Variants in TANC1 observed in about 807,000 individuals in gnomAD.
TANC1 encodes tetratricopeptide repeat, ankyrin repeat and coiled-coil containing 1, also known as protein TANC1.
TANC1 carries 77 observed loss-of-function variants against 149.7 expected under a neutral mutation model. The ratio of observed to expected loss-of-function variants is 0.51; its 90% CI spans 0.43 to 0.62. TANC1 has a LOEUF of 0.62. TANC1 is among the 20% of genes least tolerant of loss of function. The probability of loss-of-function intolerance (pLI) is 0.00; values close to 1 mark genes in which losing one functional copy is unlikely to be tolerated. For missense variants in TANC1, 1,985 were observed against 2,321.8 expected, an observed-to-expected ratio of 0.85 and a Z score of 2.98; for synonymous variants, 854 against 925.0, an observed-to-expected ratio of 0.92 and a Z score of 1.39.
intron 1 of TANC1, among the ~76,000 whole-genome samples, chr2:158,989,918 ATT>A (rs56934916): frequency 7.0e-5 from 10 of 142,622 alleles, no homozygotes; most frequent in Admixed American, 7.0e-5. Flanking sequence ...TAAAATGGGG[ATT>A]TTTTTTTTTT....
chr2:159,140,081 G>T (rs1362140543), intron 5 of TANC1, among the ~76,000 whole-genome samples: 1 of 152,026 alleles, frequency 6.6e-6, no homozygotes, highest in African/African-American at 2.4e-5. Context: ...AAATTAGCCA[G>T]ATATAGCAGT....
intron 7 of TANC1, among the ~76,000 whole-genome samples, chr2:159,156,700 A>G (rs1026217552): frequency 1.3e-5 from 2 of 152,206 alleles, no homozygotes; most frequent in African/African-American, 2.4e-5. Flanking sequence ...ACTCTTTTCC[A>G]AAGTCTGGAA....
chr2:159,082,371 TA>T (rs5835731), intron 3 of TANC1, among the ~76,000 whole-genome samples: 100,116 of 148,162 alleles, frequency 0.68, 33,640 homozygotes, highest in Non-Finnish European at 0.72. Context: ...TTAAACTTGT[TA>T]AAAAAAAAAA....
chr2:159,060,077 T>G (rs1182869269), intron 2 of TANC1: 3 of 965,700 alleles, frequency 3.1e-6, no homozygotes, highest in African/African-American at 3.5e-5. Context: ...AGAACAGTTC[T>G]AAAGGTGTTA....
rs148750824 is a variant in TANC1 at position 159,133,630 on chromosome 2, C to T, written c.260-2564C>T. On this transcript the variant is annotated intron_variant, in intron 4 of 26. Coordinates refer to ENST00000263635, the MANE Select transcript of TANC1 (RefSeq NM_033394.3). ...AAACCCCCACAAGTCTTTTTCCCTA[C>T]GCATATTTATGTGTGGATATATATA... Among the ~76,000 whole-genome samples, 217 of 148,462 alleles carry T rather than the reference C, an allele frequency of 1.5e-3. 1 individual carries two copies. Among genetic ancestry groups the T allele is most frequent in the African/African-American group, 5.2e-3 (210 of 40,734 alleles).
chr2:159,076,354 A>G (rs1219725797), intron 3 of TANC1, among the ~76,000 whole-genome samples: 2 of 152,214 alleles, frequency 1.3e-5, no homozygotes, highest in Admixed American at 6.5e-5. Context: ...CTAGAGATCC[A>G]CTAGTCTGAT....
Position 159,212,222 on chromosome 2 carries a change from G to A in TANC1, c.3245-5275G>A, listed in dbSNP as rs562945872. Among the ~76,000 whole-genome samples, 8 of 152,314 alleles carry A rather than the reference G, an allele frequency of 5.3e-5. No homozygotes were observed. In the East Asian group the frequency reaches 1.5e-3, roughly 29 times the overall value. ...AGTCCTGTGTTTATTCCTTTGCATG[G>A]CATCATGCAAAGGCCCTGCCTCTGC... On this transcript the variant is annotated intron_variant, in intron 19 of 26. Coordinates refer to ENST00000263635, the MANE Select transcript of TANC1 (RefSeq NM_033394.3).
chr2:159,101,829 A>G (rs1420692387), intron 4 of TANC1, among the ~76,000 whole-genome samples: 3 of 152,238 alleles, frequency 2.0e-5, no homozygotes, highest in Non-Finnish European at 4.4e-5. Context: ...TCATGAATGA[A>G]TGAGAAGCAA....
Position 159,176,387 on chromosome 2 carries a change from A to G in TANC1, c.1771A>G (p.Ile591Val), listed in dbSNP as rs2055863106. 1.3e-6 allele frequency: 2 copies of G among 1,563,572 alleles called. No homozygotes were observed. The highest frequency in any genetic ancestry group is 1.4e-5 in the African/African-American group (1 of 72,240). Residue 591 changes from isoleucine to valine, a missense_variant, in exon 13 of 27, where the codon ATA becomes GTA. Ile to Val is a conservative substitution (Grantham distance 29, BLOSUM62 3). Coordinates refer to ENST00000263635, the MANE Select transcript of TANC1 (RefSeq NM_033394.3). ...TCCTGAAGAAGAATACATTATTTTG[A>G]TAGATGGCTTAAATGAAGCTGAGTT... ...KIPEEEYIILIDGLNEAEFHK... is the reference protein window; with the variant it reads ...KIPEEEYIILVDGLNEAEFHK...
chr2:159,065,810 C>T, intron 2 of TANC1, 86 bp from the exon 3 acceptor site: 1 of 1,091,416 alleles, frequency 9.2e-7, no homozygotes, highest in Non-Finnish European at 1.4e-6. Flanking sequence ...TTTGTTTGAA[C>T]ACAAGTTACC....
intron 25 of TANC1, 37 bp from the exon 26 acceptor site, chr2:159,228,759 G>A (rs2060170116): frequency 6.7e-7 from 1 of 1,493,228 alleles, no homozygotes; most frequent in Non-Finnish European, 9.3e-7. Context: ...CGTGTGTCCA[G>A]GCTGCTTCTG....
chr2:159,194,602 A>G (rs1328421844), intron 17 of TANC1, 109 bp downstream of exon 17: 20 of 994,556 alleles, frequency 2.0e-5, no homozygotes, highest in Non-Finnish European at 3.1e-5. Context: ...ACCACAGCAT[A>G]CACAGAAAGG....
intron 7 of TANC1, among the ~76,000 whole-genome samples, chr2:159,158,094 G>A (rs1321379687): frequency 4.6e-5 from 7 of 152,116 alleles, no homozygotes; most frequent in Admixed American, 3.3e-4. Flanking sequence ...GGTGGGTCAC[G>A]CCTGTTATCC....
At chr2:159,152,994 C>CT (rs35410020) in intron 7 of TANC1, among the ~76,000 whole-genome samples, 36,978 of 152,120 alleles carry the variant, frequency 0.24, 4,728 homozygotes, top group Middle Eastern at 0.32. Flanking sequence ...TTAGACCCCT[C>CT]TTACATGTTC....
intron 15 of TANC1, among the ~76,000 whole-genome samples, chr2:159,186,375 G>A (rs1462658418): frequency 1.3e-5 from 2 of 152,128 alleles, no homozygotes; most frequent in Non-Finnish European, 2.9e-5. Context: ...AAGTAACTGG[G>A]ACTATAGGCA....
In TANC1 at chr2:159,172,129, C is replaced by G. The variant is rs371316781; in HGVS notation, c.1360C>G (p.Pro454Ala). 1 of 1,614,098 alleles carries G rather than the reference C, an allele frequency of 6.2e-7. No individual in the cohort carries two copies. The highest frequency in any genetic ancestry group is 8.5e-7 in the Non-Finnish European group (1 of 1,180,002). ...SPGSSPKTSD[P>A]TQDLHFTPLL... ...TGGGTCTTTCTCTGCAGCCTCTGAC[C>G]CCACTCAGGATCTTCATTTCACTCC... is the stretch of plus-strand genomic sequence containing the variant. Residue 454 changes from proline (P) to alanine (A), a missense_variant, in exon 11 of 27, where the codon CCC becomes GCC. Physicochemically the swap from Pro to Ala is conservative, Grantham distance 27. Around this residue, in one of 3 missense-constraint regions of TANC1, gnomAD observed 557 missense variants for 612.9 expected, o/e 0.91. Transcript: ENST00000263635.
intron 2 of TANC1, among the ~76,000 whole-genome samples, chr2:159,053,282 A>G (rs1188341398): frequency 6.6e-6 from 1 of 152,046 alleles, no homozygotes; most frequent in Non-Finnish European, 1.5e-5. Flanking sequence ...TTAAGGGAAA[A>G]AAAAAAAAGA....
chr2:159,228,298 C>T (rs73967251), intron 25 of TANC1: 4,903 of 306,704 alleles, frequency 0.016, 184 homozygotes, highest in African/African-American at 0.087. Flanking sequence ...CCAACCCAAG[C>T]CTATTGTGGT....
Position 159,097,799 on chromosome 2 carries a change from AC to A in TANC1, c.225del (p.Leu76TrpfsTer6). 1 of 1,613,982 alleles carries A rather than the reference AC, an allele frequency of 6.2e-7. No individual in the cohort carries two copies. The highest frequency in any genetic ancestry group is 8.5e-7 in the Non-Finnish European group (1 of 1,179,984). ...PSSPLLPRQS[H>X]LVQSRVNKKS... ...TCACCTTTGCTGCCTCGACAGTCTC[AC>A]TTGGTGCAATCAAGAGTGAACAAAA... On this transcript the variant is annotated frameshift_variant, in exon 4 of 27. Coordinates refer to ENST00000263635, the MANE Select transcript of TANC1 (RefSeq NM_033394.3). LOFTEE classifies it high-confidence loss of function.
Sources: allele counts gnomAD v4.1 joint callset (sites outside exome capture counted in the v4.1 genomes callset), GRCh38; gene constraint gnomAD v4.1.1; regional missense constraint gnomAD v4.1.1; transcripts MANE v1.5; gene names NCBI Gene and HGNC (gene_info 2026-07-23, HGNC 2026-07-21).